The following SCARB1 variants were observed in gnomAD, a reference collection of about 807,000 sequenced individuals.
SCARB1 encodes the protein scavenger receptor class B member 1.
SCARB1 carries 30 observed loss-of-function variants against 57.2 expected under a neutral mutation model. The ratio of observed to expected loss-of-function variants is 0.52; its 90% CI spans 0.39 to 0.71. The LOEUF (loss-of-function observed/expected upper bound fraction) is 0.71, where lower values mean the gene tolerates loss of function less well. Ranked by LOEUF, SCARB1 falls within the 30% of genes least tolerant of loss-of-function variation. The pLI, the probability that SCARB1 is intolerant of heterozygous loss-of-function variation, is 0.00. For synonymous variants in SCARB1, 249 were observed against 268.3 expected (o/e 0.93, Z 0.70); for missense variants, 543 against 671.2 (o/e 0.81, Z 2.11).
chr12:124,781,176 G>A (rs996443638), intron 12 of SCARB1, among the ~76,000 whole-genome samples: 9 of 152,194 alleles, frequency 5.9e-5, no homozygotes, highest in African/African-American at 7.2e-5. Flanking sequence ...GGCTGGCAGC[G>A]CCTGCCAACG....
intron 1 of SCARB1, among the ~76,000 whole-genome samples, chr12:124,848,033 G>A (rs1594381423): frequency 6.6e-6 from 1 of 152,168 alleles, no homozygotes; most frequent in East Asian, 1.9e-4. Flanking sequence ...CTGGATTAAA[G>A]AGGAAAAACA....
At chr12:124,788,706 G>C (rs190177895) in intron 9 of SCARB1, among the ~76,000 whole-genome samples, 21 of 152,256 alleles carry the variant, frequency 1.4e-4, no homozygotes, top group Non-Finnish European at 2.5e-4. Context: ...ATATACCTTT[G>C]TCCCATTTGA....
At chr12:124,863,090 T>C (rs1019994442) in intron 1 of SCARB1, among the ~76,000 whole-genome samples, 2 of 152,192 alleles carry the variant, frequency 1.3e-5, no homozygotes, top group Non-Finnish European at 2.9e-5. Context: ...GCTGAGCACC[T>C]ACCATGTGAG....
At chr12:124,794,917 C>T (rs1005219694) in intron 9 of SCARB1, among the ~76,000 whole-genome samples, 5 of 151,920 alleles carry the variant, frequency 3.3e-5, no homozygotes, top group Admixed American at 6.6e-5. Flanking sequence ...GCAACAAGAG[C>T]GAGACTCCAT....
intron 2 of SCARB1, among the ~76,000 whole-genome samples, chr12:124,816,016 C>T (rs141861173): frequency 1.9e-4 from 28 of 150,908 alleles, no homozygotes; most frequent in African/African-American, 6.2e-4. Flanking sequence ...TAACCCCAGC[C>T]GCACAGGCCT....
intron 1 of SCARB1, among the ~76,000 whole-genome samples, chr12:124,823,573 T>C (rs1222119883): frequency 6.6e-6 from 1 of 152,136 alleles, no homozygotes; most frequent in African/African-American, 2.4e-5. Context: ...AGTCTGACCG[T>C]TCCTCAAACG....
chr12:124,824,459 C>T (rs754914615), intron 1 of SCARB1, among the ~76,000 whole-genome samples: 10 of 152,232 alleles, frequency 6.6e-5, no homozygotes, highest in East Asian at 5.8e-4. Flanking sequence ...GTAACGATTG[C>T]GCAACCTTGC....
At chr12:124,860,102 C>A (rs1218921169) in intron 1 of SCARB1, among the ~76,000 whole-genome samples, 1 of 152,096 alleles carries the variant, frequency 6.6e-6, no homozygotes, top group East Asian at 1.9e-4. Flanking sequence ...AGGCGTGCAC[C>A]ACCATGTCCA....
chr12:124,832,622 T>A (rs1452543138), intron 1 of SCARB1, among the ~76,000 whole-genome samples: 1 of 152,196 alleles, frequency 6.6e-6, no homozygotes, highest in Non-Finnish European at 1.5e-5. Context: ...CGAATCATAT[T>A]ACAGCTTCAA....
chr12:124,828,235 T>A (rs1951242038), intron 1 of SCARB1, among the ~76,000 whole-genome samples: 1 of 151,900 alleles, frequency 6.6e-6, no homozygotes, highest in Admixed American at 6.6e-5. Flanking sequence ...TTTTTAGCAT[T>A]CTCTTCCTAC....
intron 7 of SCARB1, among the ~76,000 whole-genome samples, chr12:124,803,380 G>A (rs774836355): frequency 3.3e-5 from 5 of 152,062 alleles, no homozygotes; most frequent in Non-Finnish European, 5.9e-5. Flanking sequence ...GACTAGCCTG[G>A]GCAATATGGT....
chr12:124,804,280 C>A (rs1476706277), intron 7 of SCARB1, among the ~76,000 whole-genome samples: 1 of 152,184 alleles, frequency 6.6e-6, no homozygotes, highest in Non-Finnish European at 1.5e-5. Flanking sequence ...CTGCAGGACT[C>A]GGAGCTGGGC....
At chr12:124,803,224 T>C (rs1950194963) in intron 7 of SCARB1, among the ~76,000 whole-genome samples, 2 of 152,206 alleles carry the variant, frequency 1.3e-5, no homozygotes, top group South Asian at 4.1e-4. Flanking sequence ...CCAGGGCCTG[T>C]CCTGTCTGTT....
At chr12:124,838,649 A>G (rs1178199056) in intron 1 of SCARB1, among the ~76,000 whole-genome samples, 3 of 151,888 alleles carry the variant, frequency 2.0e-5, no homozygotes, top group East Asian at 1.9e-4. Flanking sequence ...CGTCTGGTCT[A>G]CCATCTACAA....
At chr12:124,857,242 T>C (rs1385277671) in intron 1 of SCARB1, among the ~76,000 whole-genome samples, 1 of 152,158 alleles carries the variant, frequency 6.6e-6, no homozygotes, top group Non-Finnish European at 1.5e-5. Flanking sequence ...TGTGCATCCA[T>C]TTCCCTCAAT....
At chr12:124,844,817 C>CTTTT in intron 1 of SCARB1, among the ~76,000 whole-genome samples, 1 of 140,992 alleles carries the variant, frequency 7.1e-6, no homozygotes, top group Non-Finnish European at 1.5e-5. Context: ...TTCTTTCTTT[C>CTTTT]TTTTTTTTTT....
rs540563990 is a variant in SCARB1, at chr12:124,822,851, G to C, written c.127-5144C>G. 6.6e-6 allele frequency among the ~76,000 whole-genome samples: 1 copy of C among 152,104 alleles called. No homozygotes were observed. The highest frequency in any genetic ancestry group is 2.4e-5 in the African/African-American group (1 of 41,410). ...TGCAGTGAGCCGTGATCATGTGCCT[G>C]CACTCCAGTCTGGGCCACAAAGCAA... On this transcript the variant is annotated intron_variant, in intron 1 of 12. Transcript: ENST00000261693. This position sits in a 1 kb window ranked among gnomAD's most constrained non-coding sequence, Gnocchi z 5.0.
At chr12:124,785,951 C>G (rs1055795016) in intron 11 of SCARB1, 20 of 995,122 alleles carry the variant, frequency 2.0e-5, no homozygotes, top group Non-Finnish European at 2.6e-5. Context: ...GTCTCCCCGG[C>G]TGGGATGCCA....
At chr12:124,825,093 C>A (rs560596859) in intron 1 of SCARB1, among the ~76,000 whole-genome samples, 54 of 151,902 alleles carry the variant, frequency 3.6e-4, no homozygotes, top group Non-Finnish European at 6.8e-4. Flanking sequence ...GGCGTGGTGG[C>A]AGATGCCTGT....
Sources: allele counts gnomAD v4.1 joint callset (sites outside exome capture counted in the v4.1 genomes callset), GRCh38; gene constraint gnomAD v4.1.1; non-coding constraint Gnocchi (gnomAD v3.1); transcripts MANE v1.5; gene names NCBI Gene and HGNC (gene_info 2026-07-23, HGNC 2026-07-21).